HMSD: variants seen among roughly 807,000 people sequenced by gnomAD.
HMSD encodes histocompatibility minor serpin domain containing.
In HMSD, 13 loss-of-function variants were observed where a neutral mutation model predicts 10.0. That is an observed-to-expected ratio of 1.31 (90% CI 0.85 to 2.08). HMSD has a LOEUF of 2.08. HMSD is among the 30% of genes most tolerant of loss of function. The pLI, the probability that HMSD is intolerant of heterozygous loss-of-function variation, is 0.00. For synonymous variants in HMSD, 51 were observed against 54.2 expected, an observed-to-expected ratio of 0.94 and a Z score of 0.26; for missense variants, 169 against 166.3, an observed-to-expected ratio of 1.02 and a Z score of -0.09.
downstream of HMSD, chr18:63,966,759 A>T (rs1271930788): frequency 2.0e-5 from 3 of 152,222 alleles, no homozygotes; most frequent in African/African-American, 7.2e-5. Flanking sequence ...TGGCAGAAAA[A>T]GCAGTTCTCT....
At chr18:63,963,386 C>A (rs1276040827), downstream of HMSD, among the ~76,000 whole-genome samples, 1 of 151,800 alleles carries the variant, frequency 6.6e-6, no homozygotes, top group African/African-American at 2.4e-5. Flanking sequence ...CCTGCCCCAG[C>A]CTCCCGACCA....
chr18:63,962,783 C>T (rs149125597), downstream of HMSD, among the ~76,000 whole-genome samples: 105 of 152,240 alleles, frequency 6.9e-4, no homozygotes, highest in Non-Finnish European at 1.2e-3. Context: ...ATGAAGTACC[C>T]CTCCAGAAGC....
At chr18:63,967,023 A>G (rs1318323613) in intron 3 of HMSD, among the ~76,000 whole-genome samples, 1 of 152,196 alleles carries the variant, frequency 6.6e-6, no homozygotes, top group East Asian at 1.9e-4. Flanking sequence ...ACCAGGGAAG[A>G]TTGCTGGGAA....
At chr18:63,968,078 C>T (rs556404188) in intron 3 of HMSD, 1 of 152,324 alleles carries the variant, frequency 6.6e-6, no homozygotes, top group South Asian at 2.1e-4. Flanking sequence ...TTCCTGCTCC[C>T]TCTTCCTCTC....
intron 1 of HMSD, 42 bp from the exon 2 acceptor site, chr18:63,953,312 G>A (rs1450414108): frequency 3.2e-6 from 2 of 616,174 alleles, no homozygotes; most frequent in Non-Finnish European, 5.9e-6. Context: ...ACACATGTAA[G>A]CCTATATTAA....
chr18:63,960,203 C>T lies in HMSD; in HGVS notation c.268C>T (p.Gln90Ter), dbSNP rs764953887. The T allele has an allele frequency of 5.0e-6, 8 of 1,613,022 alleles. No homozygotes were observed. The Admixed American group carries it at 1.2e-4, about 24-fold the overall frequency. Residue 90 changes from glutamine to a stop codon, truncating the protein, a stop_gained, in exon 4 of 4, where the codon CAG becomes TAG. Transcript: ENST00000408945. LOFTEE classifies it high-confidence loss of function. ...CGKFYQATIKQLDFVNDTEKS... is the reference protein window; with the variant it reads ...CGKFYQATIK The stretch of plus-strand genomic sequence containing the variant: ...CAAATTCTACCAAGCAACGATAAAA[C>T]AGCTAGACTTTGTGAATGATACAGA...
chr18:63,956,278 A>G (rs1437548530), intron 3 of HMSD, among the ~76,000 whole-genome samples: 1 of 152,220 alleles, frequency 6.6e-6, no homozygotes, highest in Non-Finnish European at 1.5e-5. Context: ...AACAGTGTAA[A>G]CAGACAACCT....
In HMSD at chr18:63,960,187, C is replaced by G. The variant is rs769895614; in HGVS notation, c.252C>G (p.Tyr84Ter). Residue 84 changes from tyrosine (Y) to a stop codon, truncating the protein, a stop_gained, in exon 4 of 4, where the codon TAC becomes TAG. Transcript: ENST00000408945. LOFTEE classifies it high-confidence loss of function. ...TGFTDSCGKF[Y>*]QATIKQLDFV... ...TTACAGATTCCTGTGGCAAATTCTA[C>G]CAAGCAACGATAAAACAGCTAGACT... 3.7e-6 allele frequency: 6 copies of G among 1,612,480 alleles called. No individual in the cohort carries two copies. The highest frequency in any genetic ancestry group is 5.1e-6 in the Non-Finnish European group (6 of 1,179,602).
In HMSD at chr18:63,954,454, G is replaced by A. The variant is rs201288276; in HGVS notation, c.119G>A (p.Arg40Gln). The A allele has an allele frequency of 2.5e-5, 41 of 1,611,878 alleles. No homozygotes were observed. In the East Asian group the frequency reaches 2.7e-4, roughly 11 times the overall value. ...GGAGGTGAAGATGGAGATATTCATCGAGGTTTTCAGTCACTTCTTGTTGCA... is the reference window on the plus strand; with the variant it reads ...GGAGGTGAAGATGGAGATATTCATCAAGGTTTTCAGTCACTTCTTGTTGCA... ...KIGGEDGDIHRGFQSLLVAIN... is the reference protein window; with the variant it reads ...KIGGEDGDIHQGFQSLLVAIN... The change falls in exon 3 of 4, where the codon CGA becomes CAA. Residue 40 changes from arginine to glutamine, a missense_variant. Arg to Gln is a conservative substitution (Grantham distance 43). Coordinates refer to ENST00000408945, the MANE Select transcript of HMSD (RefSeq NM_001123366.2).
chr18:63,960,916 T>C lies in HMSD; in HGVS notation c.*561T>C, dbSNP rs9961020. On this transcript the variant is annotated 3_prime_UTR_variant, in exon 4 of 4. Transcript: ENST00000408945. The stretch of plus-strand genomic sequence containing the variant: ...GTGGGCTGAGAGAGGAAAGAGGGAG[T>C]ATCAGAGGTTGCCGGGTTTGCTACT... The C allele has an allele frequency of 0.29, 44,242 of 151,932 alleles. 7,446 individuals carry two copies. The highest frequency in any genetic ancestry group is 0.47 in the African/African-American group (19,363 of 41,364). 9.4% of individuals were successfully genotyped at this position (151,932 alleles called of 1,614,324 possible). A position where few individuals can be genotyped will look rare whatever the true frequency, so the allele number is the denominator to read the frequency against.
chr18:63,964,441 G>A (rs960777464), downstream of HMSD, among the ~76,000 whole-genome samples: 2 of 152,234 alleles, frequency 1.3e-5, no homozygotes, highest in South Asian at 2.1e-4. Flanking sequence ...TCAGGAGGCT[G>A]AGCCAGGAGA....
downstream of HMSD, among the ~76,000 whole-genome samples, chr18:63,963,125 CTT>C (rs1358817203): frequency 3.2e-3 from 376 of 117,046 alleles, 3 homozygotes; most frequent in Non-Finnish European, 5.3e-3. Flanking sequence ...TTCTTTCTTT[CTT>C]TCTTTCCTTT....
chr18:63,961,960 C>T (rs2050388891), downstream of HMSD: 1 of 152,212 alleles, frequency 6.6e-6, no homozygotes, highest in African/African-American at 2.4e-5. Context: ...AAGGTCCAGC[C>T]TCCCAAATAA....
In HMSD at chr18:63,960,537, T is replaced by A; in HGVS notation, c.*182T>A. The A allele has an allele frequency of 1.1e-6, 1 of 889,962 alleles. No individual in the cohort carries two copies. Among genetic ancestry groups the A allele is most frequent in the Non-Finnish European group, 1.6e-6 (1 of 643,814 alleles). 55.1% of individuals were successfully genotyped at this position (889,962 alleles called of 1,614,324 possible). On this transcript the variant is annotated 3_prime_UTR_variant, in exon 4 of 4. Coordinates refer to ENST00000408945, the MANE Select transcript of HMSD (RefSeq NM_001123366.2). ...CTTGTTAATATTAGGTAGTTTTTCT[T>A]TTCACAAATAGCGTTAAAATTTGAA...
downstream of HMSD, among the ~76,000 whole-genome samples, chr18:63,962,999 G>A (rs1309757952): frequency 6.6e-6 from 1 of 152,016 alleles, no homozygotes; most frequent in East Asian, 1.9e-4. Context: ...GGGGAATGCA[G>A]CATAAAATTC....
chr18:63,953,411 G>T lies in HMSD; in HGVS notation c.-45G>T. The T allele has an allele frequency of 6.6e-7, 1 of 1,522,156 alleles. No individual in the cohort carries two copies. Among genetic ancestry groups the T allele is most frequent in the South Asian group, 1.1e-5 (1 of 87,524 alleles). 94.3% of individuals were successfully genotyped at this position (1,522,156 alleles called of 1,614,324 possible). A position where few individuals can be genotyped will look rare whatever the true frequency, so the allele number is the denominator to read the frequency against. On this transcript the variant is annotated 5_prime_UTR_variant, in exon 2 of 4. Coordinates refer to ENST00000408945, the MANE Select transcript of HMSD (RefSeq NM_001123366.2). ...ATGGCACATTTGCATTAAACCTTTTGAAAAAGCTAGGGGAAAACAACTCAA... is the reference window on the plus strand; with the variant it reads ...ATGGCACATTTGCATTAAACCTTTTTAAAAAGCTAGGGGAAAACAACTCAA...
chr18:63,958,555 G>C (rs891874050), intron 3 of HMSD, among the ~76,000 whole-genome samples: 1 of 152,128 alleles, frequency 6.6e-6, no homozygotes, highest in Non-Finnish European at 1.5e-5. Context: ...GTGGCATAGT[G>C]TAGGTTTCTG....
intron 3 of HMSD, among the ~76,000 whole-genome samples, chr18:63,955,930 A>G (rs1008320533): frequency 1.1e-4 from 16 of 152,162 alleles, no homozygotes; most frequent in African/African-American, 3.6e-4. Context: ...GAATGGGAGA[A>G]TCCTCCTGTC....
At chr18:63,958,856 T>G (rs1368057212) in intron 3 of HMSD, among the ~76,000 whole-genome samples, 1 of 152,126 alleles carries the variant, frequency 6.6e-6, no homozygotes, top group African/African-American at 2.4e-5. Context: ...TCCCATGTAA[T>G]TTATGGAACA....
Sources: allele counts gnomAD v4.1 joint callset (sites outside exome capture counted in the v4.1 genomes callset), GRCh38; gene constraint gnomAD v4.1.1; transcripts MANE v1.5; gene names NCBI Gene and HGNC (gene_info 2026-07-23, HGNC 2026-07-21).